RBPJ: variants seen among roughly 807,000 people sequenced by gnomAD.
RBPJ encodes recombination signal binding protein for immunoglobulin kappa J region.
Under a neutral mutation model 67.8 loss-of-function variants are expected in RBPJ, and 9 were observed. That is an observed-to-expected ratio of 0.13 (90% confidence interval 0.08 to 0.23). RBPJ has a LOEUF of 0.23. Among genes scored for constraint, RBPJ ranks in the 10% least tolerant of loss-of-function variants. The pLI, the probability that RBPJ is intolerant of heterozygous loss-of-function variation, is 1.00. For synonymous variants in RBPJ, 198 were observed against 203.3 expected (o/e 0.97, Z 0.22); for missense variants, 305 against 595.6 (o/e 0.51, Z 5.08).
chr4:26,375,790 CAG>C (rs1189646050), intron 1 of RBPJ, among the ~76,000 whole-genome samples: 1 of 152,182 alleles, frequency 6.6e-6, no homozygotes, highest in African/African-American at 2.4e-5. Context: ...TGTAGCAAGT[CAG>C]GGGAAAGGGA....
intron 1 of RBPJ, among the ~76,000 whole-genome samples, chr4:26,261,575 T>G (rs1307123045): frequency 1.3e-5 from 2 of 152,182 alleles, no homozygotes; most frequent in Non-Finnish European, 2.9e-5. Context: ...AATCAGTTTT[T>G]GACAACGTTG....
chr4:26,303,441 A>G (rs1193553899), intron 1 of RBPJ, among the ~76,000 whole-genome samples: 4 of 136,018 alleles, frequency 2.9e-5, no homozygotes, highest in Admixed American at 7.3e-5. Context: ...CTCCAGTCTG[A>G]AAAAAAAAAA....
At chr4:26,244,403 A>ATGTGTACACACG (rs1560226517) in intron 1 of RBPJ, among the ~76,000 whole-genome samples, 1 of 1,268 alleles carries the variant, frequency 7.9e-4, no homozygotes, top group African/African-American at 7.0e-3. Context: ...GTATGCACAT[A>ATGTGTACACACG]TGTGTGTATA....
intron 1 of RBPJ, among the ~76,000 whole-genome samples, chr4:26,191,144 CCT>C (rs1414269903): frequency 1.3e-5 from 1 of 78,844 alleles, no homozygotes; most frequent in East Asian, 4.0e-4. Flanking sequence ...GGAATGAGAC[CCT>C]GTCTCAAAAA....
At position 26,180,625 on chromosome 4, in the gene RBPJ, C is replaced by G. The variant is rs180988735; in HGVS notation, c.-167+17011C>G. 4.6e-5 allele frequency among the ~76,000 whole-genome samples: 7 copies of G among 152,306 alleles called. No individual in the cohort carries two copies. In the East Asian group the frequency reaches 1.4e-3, roughly 29 times the overall value. ...TAATACCATTCACGAGGGTTTCACC[C>G]TTGTGACCTAATCACCTCCCAAAGG... On this transcript the variant is annotated intron_variant, in intron 1 of 4. Transcript: ENST00000512351.
At position 26,382,433 on chromosome 4, in the gene RBPJ, G is replaced by A. The variant is rs193073113; in HGVS notation, c.21-3920G>A. On this transcript the variant is annotated intron_variant, in intron 1 of 10. Coordinates refer to ENST00000355476, the MANE Select transcript of RBPJ (RefSeq NM_015874.6). ...CTTTGGTAAGTGCAGGATGCATGTAGTACCTTAGCATAACTTGACAGTTTT... is the reference window on the plus strand; with the variant it reads ...CTTTGGTAAGTGCAGGATGCATGTAATACCTTAGCATAACTTGACAGTTTT... Among the ~76,000 whole-genome samples, 45 of 152,346 alleles carry A rather than the reference G, an allele frequency of 3.0e-4. 1 individual carries two copies. In the East Asian group the frequency reaches 8.5e-3, roughly 29 times the overall value.
At chr4:26,385,677 A>G (rs375582777) in intron 1 of RBPJ, among the ~76,000 whole-genome samples, 1 of 152,162 alleles carries the variant, frequency 6.6e-6, no homozygotes, top group Non-Finnish European at 1.5e-5. Context: ...TCTCTGCCTA[A>G]TGCTTAATTA....
rs574033686 is a variant in RBPJ at position 26,344,995 on chromosome 4, T to C, written c.20+23947T>C. Among the ~76,000 whole-genome samples the C allele has an allele frequency of 8.5e-5, 13 of 152,358 alleles. No homozygotes were observed. In the East Asian group the frequency reaches 2.5e-3, roughly 29 times the overall value. ...TTTATTTTTAAACATTTAAAAAATT[T>C]TGTTAAATTTAGTCTCGTTCTTCCT... is the stretch of plus-strand genomic sequence containing the variant. On this transcript the variant is annotated intron_variant, in intron 1 of 10. Coordinates refer to ENST00000355476, the MANE Select transcript of RBPJ (RefSeq NM_015874.6).
intron 1 of RBPJ, among the ~76,000 whole-genome samples, chr4:26,253,758 C>A (rs907395951): frequency 2.7e-5 from 4 of 148,698 alleles, no homozygotes; most frequent in Non-Finnish European, 5.9e-5. Context: ...GCTAAATCTA[C>A]GTTGACTTCA....
Position 26,415,627 on chromosome 4 carries a change from A to T in RBPJ, c.308A>T (p.Asn103Ile). The T allele has an allele frequency of 6.2e-7, 1 of 1,609,146 alleles. No individual in the cohort carries two copies. Among genetic ancestry groups the T allele is most frequent in the Non-Finnish European group, 8.5e-7 (1 of 1,178,524 alleles). The change falls in exon 4 of 11, where the codon AAC becomes ATC. Residue 103 changes from asparagine to isoleucine, a missense_variant. Transcript: ENST00000355476. ...AGTGACCAAGAAATGCAGCAGCTAAACTTGGAAGGAAAGGTAAATCAAGAC... is the reference window on the plus strand; with the variant it reads ...AGTGACCAAGAAATGCAGCAGCTAATCTTGGAAGGAAAGGTAAATCAAGAC... Reference protein sequence around the residue: ...GNSDQEMQQLNLEGKNYCTAK... With the variant: ...GNSDQEMQQLILEGKNYCTAK...
rs1404150719 is a variant in RBPJ, at chr4:26,406,135, A to T, written c.60-40A>T. On this transcript the variant is annotated intron_variant, in intron 2 of 10. Transcript: ENST00000355476. Reference sequence around the variant, plus strand: ...GTAATGATGAAAGATTTCATCAAGAATTTCACCTCTGTAACAGTAATATTT... The same window carrying T: ...GTAATGATGAAAGATTTCATCAAGATTTTCACCTCTGTAACAGTAATATTT... 3 of 1,301,192 alleles carry T rather than the reference A, an allele frequency of 2.3e-6. No homozygotes were observed. In the South Asian group the frequency reaches 3.6e-5, roughly 15 times the overall value. 80.6% of individuals were successfully genotyped at this position (1,301,192 alleles called of 1,614,324 possible).
intron 1 of RBPJ, among the ~76,000 whole-genome samples, chr4:26,342,633 G>T (rs1577478852): frequency 6.6e-6 from 1 of 152,172 alleles, no homozygotes; most frequent in African/African-American, 2.4e-5. Flanking sequence ...TAGATCTGAG[G>T]CAGGAGAGTA....
chr4:26,418,594 T>G (rs1168818311), intron 4 of RBPJ, among the ~76,000 whole-genome samples: 4 of 151,534 alleles, frequency 2.6e-5, no homozygotes, highest in Non-Finnish European at 5.9e-5. Context: ...CCGTTCTTGT[T>G]TGCCAATATG....
Position 26,432,915 on chromosome 4 carries a change from T to C in RBPJ, c.*1908T>C, listed in dbSNP as rs183759428. ...CAGCTTTGCTGTCTTCATCACTCAC[T>C]CTATGCTCAGACTATGCCACTGTAA... On this transcript the variant is annotated 3_prime_UTR_variant, in exon 11 of 11. Transcript: ENST00000355476. 303 of 152,334 alleles carry C rather than the reference T, an allele frequency of 2.0e-3. 3 individuals are homozygous for C. The highest frequency in any genetic ancestry group is 6.7e-3 in the African/African-American group (278 of 41,572). The allele number at this position is 152,334 out of a possible 1,614,324, so 9.4% of individuals were successfully genotyped here. A position where few individuals can be genotyped will look rare whatever the true frequency, so the allele number is the denominator to read the frequency against.
At chr4:26,345,764 G>A (rs1482618454) in intron 1 of RBPJ, among the ~76,000 whole-genome samples, 2 of 152,124 alleles carry the variant, frequency 1.3e-5, no homozygotes, top group Non-Finnish European at 2.9e-5. Flanking sequence ...TCATCTACGT[G>A]CTATTTTCAT....
chr4:26,257,837 G>T (rs1720392128), intron 1 of RBPJ, among the ~76,000 whole-genome samples: 1 of 152,194 alleles, frequency 6.6e-6, no homozygotes, highest in Non-Finnish European at 1.5e-5. Flanking sequence ...AAAAAGAAGA[G>T]AAAATGGTCC....
chr4:26,226,243 T>C (rs1719072301), intron 1 of RBPJ, among the ~76,000 whole-genome samples: 3 of 151,700 alleles, frequency 2.0e-5, no homozygotes, highest in Admixed American at 6.6e-5. Flanking sequence ...GGAGGGAAGA[T>C]CATTTGAAGC....
At chr4:26,429,848 A>G (rs772121015) in intron 8 of RBPJ, 50 bp from the exon 9 acceptor site, 2 of 1,515,420 alleles carry the variant, frequency 1.3e-6, no homozygotes, top group South Asian at 2.3e-5. Flanking sequence ...TTCTTATCCT[A>G]TTAATACAAA....
Position 26,305,605 on chromosome 4 carries a change from G to T in RBPJ, c.-166-56841G>T, listed in dbSNP as rs147802940. Among the ~76,000 whole-genome samples the T allele has an allele frequency of 1.1e-3, 172 of 152,034 alleles. 1 individual carries two copies. Among genetic ancestry groups the T allele is most frequent in the African/African-American group, 3.8e-3 (159 of 41,496 alleles). The stretch of plus-strand genomic sequence containing the variant: ...GATACTCTGGATATTTAATACTCAT[G>T]CTATTGGAAATGGGATTGTTTTCTT... On this transcript the variant is annotated intron_variant, in intron 1 of 4. Coordinates refer to the RBPJ transcript ENST00000512351.
Sources: gnomAD v4.1 joint callset for allele counts (sites outside exome capture counted in the v4.1 genomes callset) on GRCh38, gnomAD v4.1.1 for gene constraint, MANE v1.5 for transcripts, NCBI Gene and HGNC (gene_info 2026-07-23, HGNC 2026-07-21) for gene names.